CADM1: variants seen among roughly 807,000 people sequenced by gnomAD.
CADM1 encodes the protein TSLC-1.
A neutral mutation model predicts 53.1 loss-of-function variants in CADM1; 15 were observed. That is an observed-to-expected ratio of 0.28 (90% confidence interval 0.19 to 0.44). The LOEUF (loss-of-function observed/expected upper bound fraction) is 0.44. Ranked by LOEUF, CADM1 falls within the 20% of genes least tolerant of loss-of-function variation. The pLI, the probability that CADM1 is intolerant of heterozygous loss-of-function variation, is 1.00. For missense variants in CADM1, 434 were observed against 611.3 expected, an observed-to-expected ratio of 0.71 and a Z score of 3.06; for synonymous variants, 281 against 243.0, an observed-to-expected ratio of 1.16 and a Z score of -1.45.
chr11:115,279,112 C>T (rs189584823), intron 1 of CADM1, among the ~76,000 whole-genome samples: 6 of 152,254 alleles, frequency 3.9e-5, no homozygotes, highest in East Asian at 1.9e-4. Flanking sequence ...ACTGGTAAGA[C>T]GATCCTGTCC....
chr11:115,430,285 A>T (rs1948010483), intron 1 of CADM1, among the ~76,000 whole-genome samples: 1 of 152,210 alleles, frequency 6.6e-6, no homozygotes, highest in African/African-American at 2.4e-5. Flanking sequence ...GAACTATCCT[A>T]TAGAGATAGC....
chr11:115,234,082 A>G (rs961997835), intron 3 of CADM1, among the ~76,000 whole-genome samples: 2 of 152,126 alleles, frequency 1.3e-5, no homozygotes, highest in African/African-American at 4.8e-5. Context: ...TTACCCTCAA[A>G]CATACTCAGA....
At chr11:115,291,155 A>G (rs1943890752) in intron 1 of CADM1, among the ~76,000 whole-genome samples, 1 of 152,092 alleles carries the variant, frequency 6.6e-6, no homozygotes, top group African/African-American at 2.4e-5. Flanking sequence ...AGGAGTGCCC[A>G]CTGTCAAGCC....
rs12293199 is a variant in CADM1 at position 115,236,419 on chromosome 11, A to G, written c.424+2081T>C. On this transcript the variant is annotated intron_variant, in intron 3 of 11. Transcript: ENST00000331581. ...GGAAAGAATATTAAGTGAATGAATA[A>G]TATCTACAGAAAGAATATCTACTAC... 2.5e-3 allele frequency among the ~76,000 whole-genome samples: 374 copies of G among 152,346 alleles called. 4 individuals are homozygous for G. Among genetic ancestry groups the G allele is most frequent in the African/African-American group, 8.6e-3 (359 of 41,586 alleles).
intron 1 of CADM1, among the ~76,000 whole-genome samples, chr11:115,445,351 C>T (rs1398252213): frequency 6.6e-6 from 1 of 152,024 alleles, no homozygotes; most frequent in South Asian, 2.1e-4. Flanking sequence ...TTAACTGGCT[C>T]GTGCCTCAGT....
chr11:115,405,521 T>G (rs1947291216), intron 1 of CADM1, among the ~76,000 whole-genome samples: 1 of 152,112 alleles, frequency 6.6e-6, no homozygotes, highest in Non-Finnish European at 1.5e-5. Flanking sequence ...GAAAGACACA[T>G]ATAAGAATGG....
chr11:115,324,312 TAACA>T (rs1464335060), intron 1 of CADM1, among the ~76,000 whole-genome samples: 1 of 152,176 alleles, frequency 6.6e-6, no homozygotes, highest in African/African-American at 2.4e-5. Context: ...TTTAACTACC[TAACA>T]TTTTTCTCTA....
chr11:115,493,002 T>C (rs1446148381), intron 1 of CADM1, among the ~76,000 whole-genome samples: 1 of 150,784 alleles, frequency 6.6e-6, no homozygotes, highest in East Asian at 1.9e-4. Context: ...CAATGACAAG[T>C]CAGTAGCAAT....
intron 10 of CADM1, among the ~76,000 whole-genome samples, chr11:115,184,179 A>T (rs781000703): frequency 5.9e-4 from 90 of 152,298 alleles, no homozygotes; most frequent in Non-Finnish European, 9.9e-4. Context: ...CCCAAATCTG[A>T]AGCAAAACCA....
At chr11:115,328,706 A>ATACG (rs1366307367) in intron 1 of CADM1, among the ~76,000 whole-genome samples, 10 of 30,876 alleles carry the variant, frequency 3.2e-4, no homozygotes, top group African/African-American at 1.7e-3. Context: ...ATATATGTAT[A>ATACG]TATATATGTG....
chr11:115,475,491 C>T (rs1949111067), intron 1 of CADM1, among the ~76,000 whole-genome samples: 3 of 152,094 alleles, frequency 2.0e-5, no homozygotes, highest in Admixed American at 6.6e-5. Flanking sequence ...CCACATTACT[C>T]GTATCGCCAA....
chr11:115,241,662 AGCT>A (rs1294866504), intron 1 of CADM1, among the ~76,000 whole-genome samples: 6 of 152,212 alleles, frequency 3.9e-5, no homozygotes, highest in South Asian at 2.1e-4. Context: ...AATAAATGGC[AGCT>A]GCTGCTATCA....
At chr11:115,284,110 CTCTCTGTGTG>C (rs1943663252) in intron 1 of CADM1, among the ~76,000 whole-genome samples, 1 of 133,230 alleles carries the variant, frequency 7.5e-6, no homozygotes, top group Non-Finnish European at 1.6e-5. Context: ...CTCTCTCTCT[CTCTCTGTGTG>C]TGTGTGTGTG....
chr11:115,275,637 A>G (rs1004794206), intron 1 of CADM1, among the ~76,000 whole-genome samples: 56 of 152,196 alleles, frequency 3.7e-4, no homozygotes, highest in African/African-American at 1.2e-3. Flanking sequence ...GAACTAGTGA[A>G]GCATAACTAA....
chr11:115,498,925 AG>A (rs1296907340), intron 1 of CADM1, among the ~76,000 whole-genome samples: 4 of 152,224 alleles, frequency 2.6e-5, no homozygotes, highest in African/African-American at 9.6e-5. Context: ...CAGAGGGGAT[AG>A]AGCGACCAGG....
At chr11:115,320,525 A>C (rs1033409324) in intron 1 of CADM1, among the ~76,000 whole-genome samples, 3 of 152,150 alleles carry the variant, frequency 2.0e-5, no homozygotes, top group Non-Finnish European at 2.9e-5. Context: ...TGAATTTCCT[A>C]TGCAGATAGG....
intron 1 of CADM1, among the ~76,000 whole-genome samples, chr11:115,341,521 C>A (rs1404434220): frequency 1.3e-5 from 2 of 152,162 alleles, no homozygotes; most frequent in Non-Finnish European, 2.9e-5. Context: ...CTAGAAAATT[C>A]TTTGTTTTGC....
chr11:115,208,041 T>C (rs566039379), intron 8 of CADM1, among the ~76,000 whole-genome samples: 1 of 152,270 alleles, frequency 6.6e-6, no homozygotes, highest in Middle Eastern at 3.4e-3. Context: ...TGGTGAATAG[T>C]ATAGAAAATG....
At chr11:115,412,765 A>G (rs4938204) in intron 1 of CADM1, among the ~76,000 whole-genome samples, 47,490 of 152,012 alleles carry the variant, frequency 0.31, 8,532 homozygotes, top group Non-Finnish European at 0.42. Context: ...TCCTAAGCCA[A>G]TTTAAAACTA....
Sources: gnomAD v4.1 joint callset for allele counts (sites outside exome capture counted in the v4.1 genomes callset) on GRCh38, gnomAD v4.1.1 for gene constraint, MANE v1.5 for transcripts, NCBI Gene and HGNC (gene_info 2026-07-23, HGNC 2026-07-21) for gene names.